Variants in PIGN observed in about 807,000 individuals in gnomAD.
PIGN encodes the protein GPI ethanolamine phosphate transferase 1.
A neutral mutation model predicts 125.4 loss-of-function variants in PIGN; 117 were observed. The ratio of observed to expected loss-of-function variants is 0.93; its 90% confidence interval spans 0.80 to 1.09. The LOEUF is 1.09. Ranked by LOEUF, PIGN falls within the 50% of genes least tolerant of loss-of-function variation. The probability of loss-of-function intolerance (pLI) is 0.00; values close to 1 mark genes in which losing one functional copy is unlikely to be tolerated. For synonymous variants in PIGN, 392 were observed against 377.8 expected, an observed-to-expected ratio of 1.04 and a Z score of -0.44; for missense variants, 1,075 against 1,094.9, an observed-to-expected ratio of 0.98 and a Z score of 0.26.
At chr18:62,047,820 G>A (rs2030863256) in intron 30 of PIGN, among the ~76,000 whole-genome samples, 1 of 151,928 alleles carries the variant, frequency 6.6e-6, no homozygotes, top group East Asian at 1.9e-4. Context: ...AAGATCTCAA[G>A]CAGAATGAAA....
At chr18:62,181,065 C>T (rs1370901906) in intron 1 of PIGN, among the ~76,000 whole-genome samples, 1 of 152,042 alleles carries the variant, frequency 6.6e-6, no homozygotes, top group Non-Finnish European at 1.5e-5. Flanking sequence ...ATGTTTTTAA[C>T]CAGCTCACAA....
intron 6 of PIGN, among the ~76,000 whole-genome samples, chr18:62,154,896 T>C (rs1421526509): frequency 6.6e-6 from 1 of 152,208 alleles, no homozygotes. Flanking sequence ...TATTTTAATT[T>C]CGCAGATTCA....
In PIGN at chr18:62,041,881, C is replaced by T. The variant is rs1029943854; in HGVS notation, c.*3975G>A. ...CAGGAAGAAAACTCTAAGACAGGGTCTGCTGTCAAGCTAGTGGAAACTTTT... is the reference window on the plus strand; with the variant it reads ...CAGGAAGAAAACTCTAAGACAGGGTTTGCTGTCAAGCTAGTGGAAACTTTT... On this transcript the variant is annotated 3_prime_UTR_variant, in exon 31 of 31. Coordinates refer to ENST00000640252, the MANE Select transcript of PIGN (RefSeq NM_176787.5). 1.3e-5 allele frequency: 2 copies of T among 152,058 alleles called. No individual in the cohort carries two copies. Among genetic ancestry groups the T allele is most frequent in the African/African-American group, 4.8e-5 (2 of 41,374 alleles). The allele number at this position is 152,058 out of a possible 1,614,324, so 9.4% of individuals were successfully genotyped here.
intron 10 of PIGN, 42 bp from the exon 11 acceptor site, chr18:62,143,388 A>T (rs1459488629): frequency 1.6e-6 from 2 of 1,215,530 alleles, no homozygotes; most frequent in African/African-American, 1.5e-5. Context: ...GTTAAGATTT[A>T]AAAAAGAATA....
At chr18:62,179,810 A>G (rs945463686) in intron 1 of PIGN, among the ~76,000 whole-genome samples, 32 of 152,190 alleles carry the variant, frequency 2.1e-4, no homozygotes, top group African/African-American at 7.7e-4. Context: ...CATTAATATT[A>G]TAATCATCAT....
At chr18:62,080,859 A>C (rs1243666352) in intron 28 of PIGN, among the ~76,000 whole-genome samples, 2 of 152,186 alleles carry the variant, frequency 1.3e-5, no homozygotes, top group Non-Finnish European at 2.9e-5. Context: ...AAGCATTCTT[A>C]ACAGATAAAC....
At chr18:62,180,030 G>A (rs1215293849) in intron 1 of PIGN, among the ~76,000 whole-genome samples, 1 of 152,120 alleles carries the variant, frequency 6.6e-6, no homozygotes, top group African/African-American at 2.4e-5. Flanking sequence ...ACTCGCAGTT[G>A]TCATGATTAC....
chr18:62,136,174 TAA>T (rs2035925554), intron 14 of PIGN: 1 of 152,040 alleles, frequency 6.6e-6, no homozygotes, highest in South Asian at 2.1e-4. Context: ...AGAATTAGCA[TAA>T]GAGATGTAAA....
intron 23 of PIGN, among the ~76,000 whole-genome samples, chr18:62,034,667 G>A (rs1313447254): frequency 6.6e-6 from 1 of 152,196 alleles, no homozygotes; most frequent in Non-Finnish European, 1.5e-5. Flanking sequence ...CATGGGGCCT[G>A]TAGCTCCTTC....
chr18:62,065,625 G>A (rs1418034132), intron 30 of PIGN, among the ~76,000 whole-genome samples: 4 of 151,996 alleles, frequency 2.6e-5, no homozygotes, highest in African/African-American at 4.8e-5. Flanking sequence ...TGTAGTCCCA[G>A]CTACTCGGGA....
rs199667894 is a variant in PIGN, at chr18:62,110,860, C to CAT, written c.1435-889_1435-888dup. ...CATAATAAAAAATATATATATAATA[C>CAT]ATATATATATATAAATATGTATATA... On this transcript the variant is annotated intron_variant, in intron 16 of 30. Transcript: ENST00000640252. Among the ~76,000 whole-genome samples, 342 of 146,678 alleles carry CAT rather than the reference C, an allele frequency of 2.3e-3. 3 individuals are homozygous for CAT. The East Asian group carries it at 0.03, about 13-fold the overall frequency.
chr18:62,161,307 A>G lies in PIGN; in HGVS notation c.47T>C (p.Phe16Ser), dbSNP rs933930437. ...AAAATAAATGTCAAAGATGGAGGCGAAGAACACAAAATGTATAAGCAATCC... is the reference window on the plus strand; with the variant it reads ...AAAATAAATGTCAAAGATGGAGGCGGAGAACACAAAATGTATAAGCAATCC... Reference protein sequence around the residue: ...TLGLLIHFVFFASIFDIYFTS... With the variant: ...TLGLLIHFVFSASIFDIYFTS... The change falls in exon 4 of 31, where the codon TTC becomes TCC. Residue 16 changes from phenylalanine (F) to serine (S), a missense_variant. Transcript: ENST00000640252. 2.5e-6 allele frequency: 4 copies of G among 1,613,554 alleles called. No homozygotes were observed. Among genetic ancestry groups the G allele is most frequent in the Non-Finnish European group, 3.4e-6 (4 of 1,179,750 alleles).
At chr18:62,184,915 A>G (rs2037842227) in intron 1 of PIGN, among the ~76,000 whole-genome samples, 1 of 152,200 alleles carries the variant, frequency 6.6e-6, no homozygotes, top group Non-Finnish European at 1.5e-5. Flanking sequence ...AACATTCTCA[A>G]TTCTGTGTAC....
At chr18:62,172,647 A>G (rs2037381872) in intron 1 of PIGN, among the ~76,000 whole-genome samples, 1 of 152,194 alleles carries the variant, frequency 6.6e-6, no homozygotes, top group South Asian at 2.1e-4. Context: ...TGCATTTACA[A>G]ATAACTCCCT....
At chr18:62,186,505 G>A (rs1412295113) in intron 1 of PIGN, among the ~76,000 whole-genome samples, 1 of 152,142 alleles carries the variant, frequency 6.6e-6, no homozygotes, top group Non-Finnish European at 1.5e-5. Flanking sequence ...CCAACTCGAC[G>A]ATGTTCCCAG....
intron 23 of PIGN, among the ~76,000 whole-genome samples, chr18:62,020,919 C>A (rs992689616): frequency 2.0e-5 from 3 of 150,228 alleles, no homozygotes; most frequent in African/African-American, 7.4e-5. Context: ...CGAGATCGCG[C>A]CATTGCACAC....
chr18:62,072,788 G>T, intron 29 of PIGN, 63 bp from the exon 30 acceptor site: 1 of 1,238,784 alleles, frequency 8.1e-7, no homozygotes, highest in Non-Finnish European at 1.1e-6. Context: ...TAAAAACAAA[G>T]CTATTTTAGG....
chr18:62,155,879 A>C (rs997785639), intron 6 of PIGN, among the ~76,000 whole-genome samples: 1 of 152,258 alleles, frequency 6.6e-6, no homozygotes, highest in Non-Finnish European at 1.5e-5. Context: ...AGAAGGCAAT[A>C]TATAAATGGC....
chr18:62,053,333 T>TA (rs1330271286), intron 30 of PIGN, among the ~76,000 whole-genome samples: 1 of 151,678 alleles, frequency 6.6e-6, no homozygotes, highest in Non-Finnish European at 1.5e-5. Flanking sequence ...CACAGAAAAG[T>TA]AAAAAAATAA....
Sources: gnomAD v4.1 joint callset for allele counts (sites outside exome capture counted in the v4.1 genomes callset) on GRCh38, gnomAD v4.1.1 for gene constraint, MANE v1.5 for transcripts, NCBI Gene and HGNC (gene_info 2026-07-23, HGNC 2026-07-21) for gene names.